The following KHDRBS2 variants were observed in gnomAD, a reference collection of about 807,000 sequenced individuals.
KHDRBS2 encodes the protein KH RNA binding domain containing, signal transduction associated 2.
KHDRBS2 carries 26 observed loss-of-function variants against 44.3 expected under a neutral mutation model. The observed-to-expected ratio is 0.59, with a 90% CI of 0.43 to 0.81. KHDRBS2 has a LOEUF of 0.81. KHDRBS2 is among the 40% of genes least tolerant of loss of function. The probability of loss-of-function intolerance (pLI) is 0.00; values close to 1 mark genes in which losing one functional copy is unlikely to be tolerated. For missense variants in KHDRBS2, 476 were observed against 433.1 expected (o/e 1.10, Z -0.88); for synonymous variants, 194 against 151.1 (o/e 1.28, Z -2.08).
chr6:61,762,429 T>G (rs534650166), intron 6 of KHDRBS2, among the ~76,000 whole-genome samples: 4 of 152,188 alleles, frequency 2.6e-5, no homozygotes, highest in Non-Finnish European at 5.9e-5. Context: ...GGGAGGTGTT[T>G]GAGTCATGGG....
intron 7 of KHDRBS2, among the ~76,000 whole-genome samples, chr6:61,732,101 T>G (rs779229749): frequency 6.6e-6 from 1 of 152,110 alleles, no homozygotes; most frequent in Non-Finnish European, 1.5e-5. Flanking sequence ...ACAGCTGTAT[T>G]CTAAATGGGT....
chr6:62,032,762 T>C (rs1218495836), intron 3 of KHDRBS2, among the ~76,000 whole-genome samples: 3 of 151,814 alleles, frequency 2.0e-5, no homozygotes, highest in Non-Finnish European at 4.4e-5. Flanking sequence ...CCAACCCATA[T>C]AGTTAAGACT....
At chr6:62,245,071 C>A (rs1455035351) in intron 1 of KHDRBS2, among the ~76,000 whole-genome samples, 1 of 151,946 alleles carries the variant, frequency 6.6e-6, no homozygotes, top group East Asian at 1.9e-4. Context: ...GAAAACAGAC[C>A]CAACATTCTC....
Position 62,177,288 on chromosome 6 carries a change from T to A in KHDRBS2, c.116A>T (p.Asp39Val). The change falls in exon 2 of 9, where the codon GAT (aspartate) becomes GTT (valine). Residue 39 changes from aspartate (D) to valine (V), a missense_variant. Asp to Val is a radical substitution (Grantham distance 152). Coordinates refer to ENST00000281156, the MANE Select transcript of KHDRBS2 (RefSeq NM_152688.4). ...AEEIEKFQGS[D>V]GKKEDEEKKY... is the part of the protein sequence containing the mutation. The stretch of plus-strand genomic sequence containing the variant: ...CTTTTCTTCGTCTTCCTTTTTTCCA[T>A]CAGAACCTTGAAACTTTTCAATTTC... 6.3e-7 allele frequency: 1 copy of A among 1,598,864 alleles called. No individual in the cohort carries two copies. Among genetic ancestry groups the A allele is most frequent in the Non-Finnish European group, 8.5e-7 (1 of 1,170,002 alleles).
chr6:61,674,544 T>G, the KHDRBS2 span, among the ~76,000 whole-genome samples: 1 of 151,772 alleles, frequency 6.6e-6, no homozygotes, highest in African/African-American at 2.4e-5. Context: ...ATGTGAAAAT[T>G]CTAGTAACTT....
intron 3 of KHDRBS2, among the ~76,000 whole-genome samples, chr6:61,978,429 C>T (rs557976771): frequency 1.1e-4 from 17 of 152,056 alleles, no homozygotes; most frequent in African/African-American, 4.1e-4. Context: ...TAAAAACCGG[C>T]ATAATTATCA....
intron 3 of KHDRBS2, among the ~76,000 whole-genome samples, chr6:62,039,842 T>G (rs988332204): frequency 6.6e-6 from 1 of 152,096 alleles, no homozygotes; most frequent in East Asian, 1.9e-4. Flanking sequence ...CCATCTAGCA[T>G]CCCTAGTAAA....
intron 1 of KHDRBS2, among the ~76,000 whole-genome samples, chr6:62,227,363 C>T (rs1252868060): frequency 6.6e-6 from 1 of 152,236 alleles, no homozygotes; most frequent in East Asian, 1.9e-4. Context: ...GATTTTTGTA[C>T]AGTGATTTTT....
chr6:62,047,463 T>A (rs1415289237), intron 3 of KHDRBS2, among the ~76,000 whole-genome samples: 1 of 151,628 alleles, frequency 6.6e-6, no homozygotes, highest in African/African-American at 2.4e-5. Flanking sequence ...GGTAAGAGGA[T>A]CAAAGTGAAA....
intron 2 of KHDRBS2, among the ~76,000 whole-genome samples, chr6:62,175,636 G>A (rs963585850): frequency 6.6e-6 from 1 of 151,588 alleles, no homozygotes; most frequent in African/African-American, 2.4e-5. Context: ...AATTATAAGA[G>A]AGACAATAGT....
At chr6:61,735,211 C>A (rs1300592020) in intron 6 of KHDRBS2, among the ~76,000 whole-genome samples, 1 of 152,064 alleles carries the variant, frequency 6.6e-6, no homozygotes, top group African/African-American at 2.4e-5. Context: ...ATCTACCCTT[C>A]ACCTAGATTC....
chr6:62,236,353 A>G (rs1833704411), intron 1 of KHDRBS2, among the ~76,000 whole-genome samples: 2 of 152,048 alleles, frequency 1.3e-5, no homozygotes, highest in South Asian at 4.1e-4. Flanking sequence ...AGAGAAATGA[A>G]AAGTATTAAT....
chr6:61,868,320 G>A (rs1056538948), intron 6 of KHDRBS2, among the ~76,000 whole-genome samples: 1 of 152,136 alleles, frequency 6.6e-6, no homozygotes, highest in Admixed American at 6.6e-5. Flanking sequence ...AACAGCAAAG[G>A]TGGCAGACCT....
chr6:61,718,563 GTT>G (rs1771826017), intron 7 of KHDRBS2, among the ~76,000 whole-genome samples: 1 of 151,972 alleles, frequency 6.6e-6, no homozygotes, highest in Admixed American at 6.6e-5. Flanking sequence ...TATTGGATTG[GTT>G]TTCCTCTGCT....
chr6:61,683,750 G>T (rs1766541914), intron 8 of KHDRBS2, among the ~76,000 whole-genome samples: 1 of 151,914 alleles, frequency 6.6e-6, no homozygotes, highest in Non-Finnish European at 1.5e-5. Flanking sequence ...ATATTTCATG[G>T]CACAAATATG....
intron 1 of KHDRBS2, among the ~76,000 whole-genome samples, chr6:62,187,508 A>G (rs1823686214): frequency 6.6e-6 from 1 of 152,122 alleles, no homozygotes; most frequent in Non-Finnish European, 1.5e-5. Flanking sequence ...TCAGAAAGAT[A>G]TTTTTTAAAA....
At chr6:62,046,981 C>T (rs1343356672) in intron 3 of KHDRBS2, among the ~76,000 whole-genome samples, 1 of 151,864 alleles carries the variant, frequency 6.6e-6, no homozygotes, top group African/African-American at 2.4e-5. Context: ...ATGATATATT[C>T]ACCAGTTCAG....
the KHDRBS2 span, among the ~76,000 whole-genome samples, chr6:61,560,640 A>C: frequency 0.8 from 122,205 of 152,068 alleles, 49,552 homozygotes; most frequent in African/African-American, 0.9. Context: ...TTTTCAGATC[A>C]AGAAATTCTG....
chr6:61,571,960 A>G, the KHDRBS2 span, among the ~76,000 whole-genome samples: 1 of 152,102 alleles, frequency 6.6e-6, no homozygotes, highest in South Asian at 2.1e-4. Context: ...GAAAAAATTT[A>G]ACAAAGATAA....
Sources: allele counts gnomAD v4.1 joint callset (sites outside exome capture counted in the v4.1 genomes callset), GRCh38; gene constraint gnomAD v4.1.1; transcripts MANE v1.5; gene names NCBI Gene and HGNC (gene_info 2026-07-23, HGNC 2026-07-21).